FAM117B: variants seen among roughly 807,000 people sequenced by gnomAD.
The protein encoded by FAM117B is family with sequence similarity 117 member B.
FAM117B carries 22 observed loss-of-function variants against 52.8 expected under a neutral mutation model. The ratio of observed to expected loss-of-function variants is 0.42; its 90% CI spans 0.30 to 0.59. The LOEUF (loss-of-function observed/expected upper bound fraction) is 0.59. Among genes scored for constraint, FAM117B ranks in the 20% least tolerant of loss-of-function variants. The pLI is 0.22. For missense variants in FAM117B, 678 were observed against 802.6 expected, an observed-to-expected ratio of 0.84 and a Z score of 1.88; for synonymous variants, 309 against 324.1, an observed-to-expected ratio of 0.95 and a Z score of 0.50.
Position 202,635,893 on chromosome 2 carries a change from TGGCTGGGGGCGG to T in FAM117B, c.601+118_601+129del, listed in dbSNP as rs1347372764. Reference sequence around the variant, plus strand: ...CTGCAGAGCTGCCGCGGAGCCCGGGTGGCTGGGGGCGGGGCTGGGGGCGGTGCCGGGCGGTGG... The same window carrying T: ...CTGCAGAGCTGCCGCGGAGCCCGGGTGGCTGGGGGCGGTGCCGGGCGGTGG... On this transcript the variant is annotated intron_variant, in intron 1 of 7. Transcript: ENST00000392238. 1.7e-4 allele frequency: 162 copies of T among 975,284 alleles called. 3 individuals are homozygous for T. The South Asian group carries it at 3.4e-3, about 21-fold the overall frequency. The allele number at this position is 975,284 out of a possible 1,614,324, so 60.4% of individuals were successfully genotyped here. A position where few individuals can be genotyped will look rare whatever the true frequency, so the allele number is the denominator to read the frequency against.
rs913784800 is a variant in FAM117B, at chr2:202,635,375, GCAA to G, written c.196_198del (p.Asn66del). On this transcript the variant is annotated inframe_deletion, in exon 1 of 8. Coordinates refer to ENST00000392238, the MANE Select transcript of FAM117B (RefSeq NM_173511.4). ...ACGCGGAGCGGCGGCGGCGGCGGCG[GCAA>G]CAACAACGGTGGCTGCTGTGGTGGC... The G allele has an allele frequency of 1.2e-5, 16 of 1,367,136 alleles. No homozygotes were observed. Among genetic ancestry groups the G allele is most frequent in the Middle Eastern group, 2.5e-4 (1 of 4,054 alleles). The allele number at this position is 1,367,136 out of a possible 1,614,324, so 84.7% of individuals were successfully genotyped here. A position where few individuals can be genotyped will look rare whatever the true frequency, so the allele number is the denominator to read the frequency against.
At chr2:202,640,376 C>G (rs1689753825) in intron 1 of FAM117B, among the ~76,000 whole-genome samples, 1 of 131,120 alleles carries the variant, frequency 7.6e-6, no homozygotes, top group Non-Finnish European at 1.6e-5. Context: ...TTCCCCCTTC[C>G]TTTGGATGTA....
chr2:202,650,205 G>C (rs979269099), intron 1 of FAM117B, among the ~76,000 whole-genome samples: 4 of 152,182 alleles, frequency 2.6e-5, no homozygotes, highest in Non-Finnish European at 5.9e-5. Flanking sequence ...AATGAAAAAG[G>C]GTTTATTTAA....
intron 1 of FAM117B, among the ~76,000 whole-genome samples, chr2:202,657,018 C>T (rs1690065541): frequency 6.6e-6 from 1 of 152,046 alleles, no homozygotes; most frequent in South Asian, 2.1e-4. Context: ...TAATTCCATC[C>T]TTTGTTGTAT....
chr2:202,645,693 T>C (rs1420063894), intron 1 of FAM117B, among the ~76,000 whole-genome samples: 1 of 143,322 alleles, frequency 7.0e-6, no homozygotes, highest in Non-Finnish European at 1.5e-5. Context: ...AACCTCCGCC[T>C]CCCGGGTTCA....
chr2:202,637,676 A>G (rs889336827), intron 1 of FAM117B, among the ~76,000 whole-genome samples: 3 of 152,144 alleles, frequency 2.0e-5, no homozygotes, highest in Non-Finnish European at 4.4e-5. Flanking sequence ...TTTTTATGCA[A>G]AATCTCATTT....
At chr2:202,763,155 T>G (rs1445745752) in intron 7 of FAM117B, among the ~76,000 whole-genome samples, 2 of 146,864 alleles carry the variant, frequency 1.4e-5, no homozygotes, top group Non-Finnish European at 3.0e-5. Context: ...CACTGCAAGC[T>G]CCACCTCCCG....
chr2:202,719,833 CT>C (rs1357243536), intron 2 of FAM117B, among the ~76,000 whole-genome samples: 1 of 152,078 alleles, frequency 6.6e-6, no homozygotes, highest in African/African-American at 2.4e-5. Flanking sequence ...GTTTTTGAGT[CT>C]TTCATGACAT....
chr2:202,764,617 C>T (rs1691948429), intron 7 of FAM117B, among the ~76,000 whole-genome samples: 2 of 152,198 alleles, frequency 1.3e-5, no homozygotes, highest in Middle Eastern at 3.4e-3. Context: ...CAACCTAAGT[C>T]TTGATTTATT....
At chr2:202,649,842 C>T (rs901548116) in intron 1 of FAM117B, among the ~76,000 whole-genome samples, 2 of 151,808 alleles carry the variant, frequency 1.3e-5, no homozygotes, top group Admixed American at 6.6e-5. Flanking sequence ...CGTGAACCAC[C>T]GTGCTCGGCT....
chr2:202,759,518 A>G (rs1691851573), intron 7 of FAM117B, among the ~76,000 whole-genome samples, 165 bp downstream of exon 7: 1 of 151,600 alleles, frequency 6.6e-6, no homozygotes, highest in African/African-American at 2.4e-5. Flanking sequence ...CAACCTCCCA[A>G]GTAGCTGGGA....
chr2:202,761,930 G>T (rs1163860671), intron 7 of FAM117B, among the ~76,000 whole-genome samples: 1 of 151,568 alleles, frequency 6.6e-6, no homozygotes, highest in Non-Finnish European at 1.5e-5. Context: ...TAGAAAGACT[G>T]TGTAACACTA....
chr2:202,730,641 G>A (rs1691326862), intron 4 of FAM117B, among the ~76,000 whole-genome samples: 1 of 152,186 alleles, frequency 6.6e-6, no homozygotes, highest in South Asian at 2.1e-4. Flanking sequence ...CTGCACTCCA[G>A]TTGGGGGAGA....
chr2:202,742,782 G>A (rs540022259), intron 4 of FAM117B, among the ~76,000 whole-genome samples: 5 of 152,264 alleles, frequency 3.3e-5, no homozygotes, highest in African/African-American at 9.6e-5. Flanking sequence ...AATAACCCTC[G>A]TATAAAGAAC....
At chr2:202,748,691 C>A (rs1691675673) in intron 4 of FAM117B, among the ~76,000 whole-genome samples, 1 of 151,978 alleles carries the variant, frequency 6.6e-6, no homozygotes, top group Non-Finnish European at 1.5e-5. Context: ...GATTAAATGG[C>A]CAACAAATAT....
In FAM117B at chr2:202,635,214, G is replaced by A; in HGVS notation, c.27G>A (p.Gly9=). ...TGTCCCAGCGGGTGAGGCGCAATGG[G>A]TCCCCCACGCCGGCCGGCTCCCTTG... is the stretch of plus-strand genomic sequence containing the variant. MSQRVRRN[G]SPTPAGSLGG... The change falls in exon 1 of 8, where the codon GGG becomes GGA. Residue 9 remains glycine, a synonymous_variant. Transcript: ENST00000392238. 7.7e-7 allele frequency: 1 copy of A among 1,301,248 alleles called. No individual in the cohort carries two copies. The highest frequency in any genetic ancestry group is 2.2e-5 in the South Asian group (1 of 46,144). The allele number at this position is 1,301,248 out of a possible 1,614,324, so 80.6% of individuals were successfully genotyped here. A position where few individuals can be genotyped will look rare whatever the true frequency, so the allele number is the denominator to read the frequency against.
chr2:202,662,948 C>G (rs546231528), intron 1 of FAM117B, among the ~76,000 whole-genome samples: 4 of 152,112 alleles, frequency 2.6e-5, no homozygotes, highest in South Asian at 4.2e-4. Context: ...ACATCACACT[C>G]TTATCCTGTA....
At chr2:202,729,307 C>T (rs1691304277) in intron 4 of FAM117B, among the ~76,000 whole-genome samples, 1 of 151,620 alleles carries the variant, frequency 6.6e-6, no homozygotes, top group Non-Finnish European at 1.5e-5. Context: ...GCACTCCAGC[C>T]TGGGTGACAG....
chr2:202,636,166 C>T (rs760549919), intron 1 of FAM117B, among the ~76,000 whole-genome samples: 16 of 152,218 alleles, frequency 1.1e-4, no homozygotes, highest in African/African-American at 1.7e-4. Flanking sequence ...TGGTTTGTCA[C>T]TTTGTTTTAG....
Sources: allele counts gnomAD v4.1 joint callset (sites outside exome capture counted in the v4.1 genomes callset), GRCh38; gene constraint gnomAD v4.1.1; transcripts MANE v1.5; gene names NCBI Gene and HGNC (gene_info 2026-07-23, HGNC 2026-07-21).